Variants in KIF5C observed in about 807,000 individuals in gnomAD.
The protein encoded by KIF5C is kinesin family member 5C.
Under a neutral mutation model 125.2 loss-of-function variants are expected in KIF5C, and 18 were observed. The observed-to-expected ratio is 0.14, with a 90% CI of 0.10 to 0.21. The LOEUF is 0.21. Ranked by LOEUF, KIF5C falls within the 10% of genes least tolerant of loss-of-function variation. KIF5C has a pLI of 1.00. For synonymous variants in KIF5C, 405 were observed against 434.0 expected, an observed-to-expected ratio of 0.93 and a Z score of 0.83; for missense variants, 780 against 1,183.8, an observed-to-expected ratio of 0.66 and a Z score of 5.01.
intron 12 of KIF5C, among the ~76,000 whole-genome samples, chr2:148,978,347 T>G (rs1250556551): frequency 6.8e-6 from 1 of 147,874 alleles, no homozygotes; most frequent in Non-Finnish European, 1.5e-5. Flanking sequence ...TTTTTTTTTT[T>G]TTTTTTTTTT....
chr2:149,010,755 C>G (rs1249535060), intron 24 of KIF5C, among the ~76,000 whole-genome samples: 1 of 152,190 alleles, frequency 6.6e-6, no homozygotes, highest in Admixed American at 6.5e-5. Context: ...GTAGCCAGAG[C>G]CCCAGGGAAA....
chr2:149,010,046 T>C (rs756755773), intron 23 of KIF5C, 89 bp from the exon 24 acceptor site: 4 of 1,460,290 alleles, frequency 2.7e-6, no homozygotes, highest in Non-Finnish European at 3.6e-6. Context: ...GGGCCACCTG[T>C]TCAGCAGCAG....
chr2:148,875,987 CG>C lies in KIF5C; in HGVS notation c.126+247del, dbSNP rs560330687. On this transcript the variant is annotated intron_variant, in intron 1 of 25. Coordinates refer to ENST00000435030, the MANE Select transcript of KIF5C (RefSeq NM_004522.3). ...CGGGGGTGGGGATGGGGGGCGAAGA[CG>C]GGCTCGGCGCCGCCATTGTTCGCCG... 0.021 allele frequency among the ~76,000 whole-genome samples: 3,222 copies of C among 151,646 alleles called. 35 individuals carry two copies. The highest frequency in any genetic ancestry group is 0.049 in the Middle Eastern group (14 of 288).
In KIF5C at chr2:149,025,511, T is replaced by C. The variant is rs1256306397; in HGVS notation, c.*2441T>C. 1 of 152,442 alleles carries C rather than the reference T, an allele frequency of 6.6e-6. No individual in the cohort carries two copies. The highest frequency in any genetic ancestry group is 1.5e-5 in the Non-Finnish European group (1 of 68,034). 9.4% of individuals were successfully genotyped at this position (152,442 alleles called of 1,614,324 possible). A position where few individuals can be genotyped will look rare whatever the true frequency, so the allele number is the denominator to read the frequency against. ...AATTTTCAGGTTTTTAGACTATTGC[T>C]CCCTGTACTTTAAATGTAAAAACCA... On this transcript the variant is annotated 3_prime_UTR_variant, in exon 26 of 26. Coordinates refer to ENST00000435030, the MANE Select transcript of KIF5C (RefSeq NM_004522.3).
At chr2:149,002,710 G>T (rs1362639406) in intron 21 of KIF5C, among the ~76,000 whole-genome samples, 1 of 151,850 alleles carries the variant, frequency 6.6e-6, no homozygotes, top group Admixed American at 6.6e-5. Context: ...CCCCTCACAC[G>T]CACGCAGGCG....
At chr2:148,933,513 A>G (rs1682221155) in intron 3 of KIF5C, among the ~76,000 whole-genome samples, 2 of 151,570 alleles carry the variant, frequency 1.3e-5, no homozygotes, top group Admixed American at 1.3e-4. Flanking sequence ...ATACACACAG[A>G]CACACCACAC....
chr2:148,889,928 G>GT (rs1458729805), intron 1 of KIF5C, among the ~76,000 whole-genome samples: 1 of 152,218 alleles, frequency 6.6e-6, no homozygotes, highest in East Asian at 1.9e-4. Flanking sequence ...AAGGAATGCT[G>GT]TGGGCCCCCT....
chr2:148,929,276 C>G lies in KIF5C; in HGVS notation c.218-5C>G. 6.6e-7 allele frequency: 1 copy of G among 1,525,026 alleles called. No individual in the cohort carries two copies. The highest frequency in any genetic ancestry group is 8.8e-7 in the Non-Finnish European group (1 of 1,136,448). 94.5% of individuals were successfully genotyped at this position (1,525,026 alleles called of 1,614,324 possible). ...TTAATTTTAATTTCTTTTTCTTGTT[C>G]ACAGATGTCCTTGAAGGTTATAACG... is the stretch of plus-strand genomic sequence containing the variant. On this transcript the variant is annotated splice_region_variant and splice_polypyrimidine_tract_variant and intron_variant, in intron 2 of 25. Coordinates refer to ENST00000435030, the MANE Select transcript of KIF5C (RefSeq NM_004522.3).
chr2:148,967,930 A>T (rs1210966642), intron 11 of KIF5C, among the ~76,000 whole-genome samples: 2 of 152,142 alleles, frequency 1.3e-5, no homozygotes, highest in South Asian at 4.1e-4. Context: ...CCTCCTCCCA[A>T]TCCATCAGGA....
At chr2:148,972,802 G>A (rs1444046342) in intron 11 of KIF5C, among the ~76,000 whole-genome samples, 1 of 152,180 alleles carries the variant, frequency 6.6e-6, no homozygotes, top group Non-Finnish European at 1.5e-5. Context: ...TTGGATCCAG[G>A]GCTACCCTGT....
intron 15 of KIF5C, among the ~76,000 whole-genome samples, chr2:148,986,170 T>C (rs1265235858): frequency 3.3e-5 from 5 of 152,160 alleles, no homozygotes; most frequent in Admixed American, 6.5e-5. Flanking sequence ...CTGATGAAAA[T>C]GCTAATGAAA....
intron 10 of KIF5C, among the ~76,000 whole-genome samples, chr2:148,955,467 A>G (rs1460259930): frequency 6.6e-6 from 1 of 152,128 alleles, no homozygotes; most frequent in Admixed American, 6.5e-5. Flanking sequence ...GTGCTTCAGG[A>G]TGGTAACATC....
intron 3 of KIF5C, chr2:148,934,999 A>G: frequency 3.0e-6 from 1 of 335,122 alleles, no homozygotes; most frequent in African/African-American, 2.2e-5. Flanking sequence ...TAAAGCCCTT[A>G]CCACTCTTGG....
chr2:148,951,752 T>G (rs1278363292), intron 10 of KIF5C, among the ~76,000 whole-genome samples: 1 of 152,210 alleles, frequency 6.6e-6, no homozygotes, highest in Non-Finnish European at 1.5e-5. Context: ...AGCTCATTTG[T>G]ACATGGATGC....
chr2:148,895,300 G>A (rs1681809621), intron 1 of KIF5C, among the ~76,000 whole-genome samples: 1 of 152,028 alleles, frequency 6.6e-6, no homozygotes, highest in African/African-American at 2.4e-5. Flanking sequence ...ACCACGCCCG[G>A]CTAATTTTTG....
rs1360928882 is a variant in KIF5C at position 148,973,425 on chromosome 2, G to A, written c.1207G>A (p.Ala403Thr). The A allele has an allele frequency of 1.1e-5, 18 of 1,613,622 alleles. No homozygotes were observed. In the Admixed American group the frequency reaches 1.8e-4, roughly 16 times the overall value. ...CDNTPIIDNI[A>T]PVVAGISTEE... ...TAACACCCCCATCATAGACAATATT[G>A]CTCCTGTTGTTGCTGGCATCTCTAC... Residue 403 changes from alanine to threonine, a missense_variant, in exon 12 of 26, where the codon GCT becomes ACT. Transcript: ENST00000435030.
At chr2:148,900,467 G>T (rs1159451728) in intron 1 of KIF5C, among the ~76,000 whole-genome samples, 1 of 152,116 alleles carries the variant, frequency 6.6e-6, no homozygotes, top group Non-Finnish European at 1.5e-5. Flanking sequence ...TTCCATGAGT[G>T]CAGACAGTCA....
chr2:149,010,487 C>T, intron 24 of KIF5C, 136 bp downstream of exon 24: 1 of 1,407,334 alleles, frequency 7.1e-7, no homozygotes, highest in Non-Finnish European at 9.4e-7. Context: ...CAGGACGCAG[C>T]CCTCACCGCA....
chr2:149,012,638 G>C (rs1378342449), intron 25 of KIF5C, among the ~76,000 whole-genome samples: 1 of 152,264 alleles, frequency 6.6e-6, no homozygotes, highest in Non-Finnish European at 1.5e-5. Flanking sequence ...GAAATGCTTT[G>C]GTAGTTGCCC....
Sources: allele counts gnomAD v4.1 joint callset (sites outside exome capture counted in the v4.1 genomes callset), GRCh38; gene constraint gnomAD v4.1.1; transcripts MANE v1.5; gene names NCBI Gene and HGNC (gene_info 2026-07-23, HGNC 2026-07-21).